The following CNTN4 variants were observed in gnomAD, a reference collection of about 807,000 sequenced individuals.
The protein encoded by CNTN4 is contactin 4, also known as contactin-4.
A neutral mutation model predicts 122.5 loss-of-function variants in CNTN4; 77 were observed. The ratio of observed to expected loss-of-function variants is 0.63; its 90% CI spans 0.52 to 0.76. The LOEUF (loss-of-function observed/expected upper bound fraction) is 0.76, where lower values mean the gene tolerates loss of function less well. Among genes scored for constraint, CNTN4 ranks in the 30% least tolerant of loss-of-function variants. The pLI is 0.00. For synonymous variants in CNTN4, 512 were observed against 447.0 expected (o/e 1.15, Z -1.83); for missense variants, 1,256 against 1,259.1 (o/e 1.00, Z 0.04).
intron 14 of CNTN4, among the ~76,000 whole-genome samples, chr3:3,025,382 C>A (rs1698641675): frequency 6.6e-6 from 1 of 152,070 alleles, no homozygotes. Context: ...AAAATGCCAA[C>A]TAGTTTCAAA....
At chr3:2,902,292 C>G (rs761587185) in intron 11 of CNTN4, among the ~76,000 whole-genome samples, 6 of 152,020 alleles carry the variant, frequency 3.9e-5, no homozygotes, top group Admixed American at 1.3e-4. Flanking sequence ...AACTTTGCCC[C>G]CTTCAGATTG....
At chr3:2,716,214 C>T (rs1417477507) in intron 4 of CNTN4, among the ~76,000 whole-genome samples, 1 of 152,068 alleles carries the variant, frequency 6.6e-6, no homozygotes, top group Non-Finnish European at 1.5e-5. Context: ...ATTCACCAAA[C>T]ATATACTTGT....
chr3:2,149,906 A>T (rs1027548734), intron 2 of CNTN4, among the ~76,000 whole-genome samples: 12 of 151,640 alleles, frequency 7.9e-5, no homozygotes, highest in Non-Finnish European at 1.5e-4. Flanking sequence ...ATAACCAAAA[A>T]GGTTGTCAGG....
intron 2 of CNTN4, among the ~76,000 whole-genome samples, chr3:2,191,271 A>C (rs542782427): frequency 6.8e-6 from 1 of 147,628 alleles, no homozygotes; most frequent in Non-Finnish European, 1.5e-5. Context: ...TTTTTTTGGC[A>C]TTAACCCAGA....
intron 3 of CNTN4, among the ~76,000 whole-genome samples, chr3:2,441,186 C>T (rs1238679717): frequency 6.6e-6 from 1 of 151,952 alleles, no homozygotes; most frequent in Non-Finnish European, 1.5e-5. Context: ...CTGCATTTTA[C>T]CTTCAGTAAT....
chr3:2,436,630 G>A (rs1475759317), intron 3 of CNTN4, among the ~76,000 whole-genome samples: 1 of 151,832 alleles, frequency 6.6e-6, no homozygotes, highest in African/African-American at 2.4e-5. Flanking sequence ...GTTTGGTTGG[G>A]ATGTTAACTG....
chr3:3,026,995 T>A (rs9818583), intron 15 of CNTN4, among the ~76,000 whole-genome samples: 97,897 of 151,920 alleles, frequency 0.64, 32,112 homozygotes, highest in African/African-American at 0.71. Context: ...ATTTTTATGA[T>A]GGAGTCCAGC....
intron 4 of CNTN4, among the ~76,000 whole-genome samples, chr3:2,687,313 A>C (rs572687540): frequency 0.014 from 150 of 10,574 alleles, 1 homozygote; most frequent in Non-Finnish European, 0.013. Flanking sequence ...CTGCTCAGCA[A>C]CTTCACCCAT....
intron 2 of CNTN4, among the ~76,000 whole-genome samples, chr3:2,102,457 T>C (rs1422643756): frequency 1.3e-5 from 2 of 152,170 alleles, no homozygotes; most frequent in African/African-American, 2.4e-5. Context: ...TTAGATTGGC[T>C]CTTTAGCAGA....
intron 4 of CNTN4, among the ~76,000 whole-genome samples, chr3:2,638,346 G>A (rs1370036167): frequency 1.3e-5 from 2 of 152,130 alleles, no homozygotes; most frequent in Non-Finnish European, 1.5e-5. Context: ...CAACAGAGCT[G>A]TAGCAATAAA....
chr3:2,201,502 A>T (rs1316086105), intron 2 of CNTN4, among the ~76,000 whole-genome samples: 1 of 152,182 alleles, frequency 6.6e-6, no homozygotes, highest in East Asian at 1.9e-4. Flanking sequence ...ATTAGCAAAG[A>T]TGCTAATTAC....
chr3:2,756,212 A>G (rs2090331297), intron 6 of CNTN4, among the ~76,000 whole-genome samples: 1 of 152,238 alleles, frequency 6.6e-6, no homozygotes, highest in Non-Finnish European at 1.5e-5. Flanking sequence ...TATAGACTGA[A>G]TATTTATATC....
intron 3 of CNTN4, among the ~76,000 whole-genome samples, chr3:2,503,997 G>A (rs1199369884): frequency 1.3e-5 from 2 of 151,904 alleles, no homozygotes; most frequent in Non-Finnish European, 1.5e-5. Context: ...TGTGGAGAAT[G>A]GATTTCAACT....
At chr3:2,715,222 A>G (rs2087419375) in intron 4 of CNTN4, among the ~76,000 whole-genome samples, 1 of 152,238 alleles carries the variant, frequency 6.6e-6, no homozygotes, top group Non-Finnish European at 1.5e-5. Context: ...GGAAGCAGCT[A>G]CTGAAAAACA....
At chr3:2,181,130 A>G (rs548379032) in intron 2 of CNTN4, among the ~76,000 whole-genome samples, 10 of 152,142 alleles carry the variant, frequency 6.6e-5, no homozygotes, top group Non-Finnish European at 1.2e-4. Context: ...TGACTCCAGC[A>G]TGACCTACAA....
At chr3:2,716,998 G>C (rs2087535346) in intron 4 of CNTN4, among the ~76,000 whole-genome samples, 1 of 151,966 alleles carries the variant, frequency 6.6e-6, no homozygotes, top group Non-Finnish European at 1.5e-5. Context: ...TATGACATTT[G>C]TTTATCCATT....
chr3:2,808,433 A>T (rs1318567816), intron 6 of CNTN4, among the ~76,000 whole-genome samples: 1 of 152,170 alleles, frequency 6.6e-6, no homozygotes, highest in Non-Finnish European at 1.5e-5. Flanking sequence ...TTGGGGAGAA[A>T]AAAAGGCTAT....
intron 2 of CNTN4, among the ~76,000 whole-genome samples, chr3:2,252,824 G>A (rs1414002803): frequency 6.6e-6 from 1 of 151,974 alleles, no homozygotes; most frequent in Non-Finnish European, 1.5e-5. Flanking sequence ...TATTGTTGTC[G>A]AAAGACTTCA....
intron 14 of CNTN4, among the ~76,000 whole-genome samples, chr3:3,022,929 A>G (rs1574849390): frequency 6.6e-6 from 1 of 152,262 alleles, no homozygotes; most frequent in Admixed American, 6.5e-5. Flanking sequence ...TTCAGTTCTA[A>G]TTGCCTTTGA....
Sources: allele counts gnomAD v4.1 joint callset (sites outside exome capture counted in the v4.1 genomes callset), GRCh38; gene constraint gnomAD v4.1.1; transcripts MANE v1.5; gene names NCBI Gene and HGNC (gene_info 2026-07-23, HGNC 2026-07-21).